The following PLEKHH2 variants were observed in gnomAD, a reference collection of about 807,000 sequenced individuals.
PLEKHH2 encodes the protein pleckstrin homology, MyTH4 and FERM domain containing H2, also known as pleckstrin homology domain-containing family H member 2.
Under a neutral mutation model 187.9 loss-of-function variants are expected in PLEKHH2, and 129 were observed. The ratio of observed to expected loss-of-function variants is 0.69; its 90% CI spans 0.59 to 0.79. The LOEUF (loss-of-function observed/expected upper bound fraction) is 0.79. PLEKHH2 is among the 30% of genes least tolerant of loss of function. PLEKHH2 has a pLI of 0.00. For missense variants in PLEKHH2, 2,076 were observed against 1,751.2 expected (o/e 1.19, Z -3.31); for synonymous variants, 686 against 605.6 (o/e 1.13, Z -1.95).
intron 16 of PLEKHH2, among the ~76,000 whole-genome samples, chr2:43,721,688 C>A (rs1227417704): frequency 1.3e-5 from 2 of 152,084 alleles, no homozygotes; most frequent in Non-Finnish European, 2.9e-5. Flanking sequence ...GAGTTTGAGA[C>A]CAGCCTGGAC....
At chr2:43,642,225 T>C (rs917283677) in intron 1 of PLEKHH2, among the ~76,000 whole-genome samples, 6 of 152,196 alleles carry the variant, frequency 3.9e-5, no homozygotes, top group African/African-American at 1.4e-4. Context: ...ATTTTATTAG[T>C]TTTGATGCTA....
intron 2 of PLEKHH2, among the ~76,000 whole-genome samples, chr2:43,655,571 T>C (rs1284137621): frequency 6.6e-6 from 1 of 152,156 alleles, no homozygotes; most frequent in Non-Finnish European, 1.5e-5. Context: ...GTAAATCCAT[T>C]AGAAACCATA....
In PLEKHH2 at chr2:43,694,491, T is replaced by C. The variant is rs757540837; in HGVS notation, c.397T>C (p.Trp133Arg). The C allele has an allele frequency of 3.2e-6, 5 of 1,561,570 alleles. No homozygotes were observed. Among genetic ancestry groups the C allele is most frequent in the Middle Eastern group, 1.7e-4 (1 of 5,856 alleles). Residue 133 changes from tryptophan (W) to arginine (R), a missense_variant, in exon 5 of 30, where the codon TGG becomes CGG. Physicochemically the swap from Trp to Arg is moderately radical, Grantham distance 101 (BLOSUM62 -3). Transcript: ENST00000282406. ...AGAGAAAGCAGCTAAGATAAAAGAA[T>C]GGGTAACAGTTAAGTTAAATGAGGT... Reference protein sequence around the residue: ...IEEKAAKIKEWVTVKLNELEL... With the variant: ...IEEKAAKIKERVTVKLNELEL...
intron 15 of PLEKHH2, 34 bp downstream of exon 15, chr2:43,712,417 C>T (rs1020587796): frequency 2.5e-6 from 4 of 1,594,660 alleles, no homozygotes; most frequent in Non-Finnish European, 2.6e-6. Context: ...ATGTCCCAGG[C>T]AGCTATGGGC....
intron 11 of PLEKHH2, 144 bp from the exon 12 acceptor site, chr2:43,709,846 T>C (rs144562167): frequency 5.2e-5 from 46 of 887,012 alleles, no homozygotes; most frequent in Middle Eastern, 7.6e-4. Context: ...AAAAAAGTTA[T>C]TTATGGCCAA....
In PLEKHH2 at chr2:43,765,619, T is replaced by G; in HGVS notation, c.*21T>G. The stretch of plus-strand genomic sequence containing the variant: ...TCTGAAAGCTGGGGAGCCTGAACAT[T>G]CACTCCTTGTCCTCCATGCTGTGGC... On this transcript the variant is annotated 3_prime_UTR_variant, in exon 30 of 30. Coordinates refer to ENST00000282406, the MANE Select transcript of PLEKHH2 (RefSeq NM_172069.4). The G allele has an allele frequency of 6.2e-7, 1 of 1,608,106 alleles. No homozygotes were observed. The highest frequency in any genetic ancestry group is 1.1e-5 in the South Asian group (1 of 90,132).
intron 15 of PLEKHH2, 80 bp from the exon 16 acceptor site, chr2:43,720,589 C>T: frequency 6.4e-7 from 1 of 1,565,638 alleles, no homozygotes; most frequent in Non-Finnish European, 8.6e-7. Flanking sequence ...CCTATAGAAA[C>T]TCAAATAGGG....
chr2:43,762,383 A>G lies in PLEKHH2; in HGVS notation c.4151A>G (p.Asn1384Ser). The G allele has an allele frequency of 1.2e-6, 2 of 1,605,468 alleles. No individual in the cohort carries two copies. The highest frequency in any genetic ancestry group is 2.2e-5 in the East Asian group (1 of 44,754). The change falls in exon 28 of 30, where the codon AAC (asparagine) becomes AGC (serine). Residue 1384 changes from asparagine (N) to serine (S), a missense_variant. Asn to Ser is a conservative substitution (Grantham distance 46). Transcript: ENST00000282406. ...HEDGLSLLEY[N>S]SMRLIVSYVY... The stretch of plus-strand genomic sequence containing the variant: ...GATGGTTTAAGCCTCTTAGAATACA[A>G]CTCCATGGTAAGTTTAAACGCTCAA...
intron 6 of PLEKHH2, among the ~76,000 whole-genome samples, 193 bp from the exon 7 acceptor site, chr2:43,696,978 A>T (rs1669123994): frequency 6.6e-6 from 1 of 152,194 alleles, no homozygotes; most frequent in Admixed American, 6.5e-5. Context: ...AAAATATGTA[A>T]AACAGAATTT....
At chr2:43,757,395 A>G (rs1672253547) in intron 26 of PLEKHH2, 131 bp downstream of exon 26, 2 of 664,418 alleles carry the variant, frequency 3.0e-6, no homozygotes, top group East Asian at 3.3e-5. Context: ...TGATTGAGCC[A>G]CAGGAGATTA....
At chr2:43,751,777 G>C (rs1309483201) in intron 24 of PLEKHH2, among the ~76,000 whole-genome samples, 3 of 152,286 alleles carry the variant, frequency 2.0e-5, no homozygotes, top group South Asian at 2.1e-4. Context: ...TCCTATTCAA[G>C]CTCCATGGAT....
chr2:43,746,383 T>C (rs930399158), intron 24 of PLEKHH2, among the ~76,000 whole-genome samples: 3 of 151,734 alleles, frequency 2.0e-5, no homozygotes, highest in Admixed American at 6.6e-5. Flanking sequence ...TGGTGGCATG[T>C]GCCTGTAATC....
At chr2:43,744,067 C>A in intron 23 of PLEKHH2, 78 bp downstream of exon 23, 3 of 1,514,094 alleles carry the variant, frequency 2.0e-6, no homozygotes, top group Non-Finnish European at 2.7e-6. Flanking sequence ...GTAAACTTTG[C>A]AAGAAGTTTA....
intron 17 of PLEKHH2, among the ~76,000 whole-genome samples, chr2:43,727,839 C>T (rs1384631383): frequency 6.6e-6 from 1 of 152,128 alleles, no homozygotes; most frequent in Non-Finnish European, 1.5e-5. Flanking sequence ...GCCTCTGCTA[C>T]CTCTCATATG....
chr2:43,698,296 G>A (rs190170371), intron 7 of PLEKHH2, among the ~76,000 whole-genome samples: 2 of 147,424 alleles, frequency 1.4e-5, no homozygotes, highest in Non-Finnish European at 3.0e-5. Context: ...CTCCCAGGCC[G>A]GAGTGCAGTG....
chr2:43,666,265 A>C (rs1667200561), intron 2 of PLEKHH2, among the ~76,000 whole-genome samples: 1 of 150,466 alleles, frequency 6.6e-6, no homozygotes, highest in East Asian at 1.9e-4. Flanking sequence ...CCTTTCTTTG[A>C]CTCGGAAAGG....
Position 43,692,586 on chromosome 2 carries a change from A to G in PLEKHH2, c.259A>G (p.Lys87Glu). Residue 87 changes from lysine to glutamate, a missense_variant, in exon 4 of 30, where the codon AAG becomes GAG. Transcript: ENST00000282406. ...TGAATCAGAGACAAGATTATATAAT[A>G]AGTGTCAAGATCTGGAGTCGCTAAT... ...TSESETRLYN[K>E]CQDLESLIQE... 1.2e-6 allele frequency: 2 copies of G among 1,607,542 alleles called. No homozygotes were observed. Among genetic ancestry groups the G allele is most frequent in the Non-Finnish European group, 1.7e-6 (2 of 1,174,602 alleles).
chr2:43,715,916 G>T (rs555471471), intron 15 of PLEKHH2, among the ~76,000 whole-genome samples: 2 of 152,150 alleles, frequency 1.3e-5, no homozygotes, highest in African/African-American at 4.8e-5. Flanking sequence ...TGTAGGGCAG[G>T]GGAGAGCAGG....
At chr2:43,741,192 G>A (rs58382159) in intron 21 of PLEKHH2, 149 bp downstream of exon 21, 36,431 of 578,620 alleles carry the variant, frequency 0.063, 1,442 homozygotes, top group Middle Eastern at 0.15. Flanking sequence ...TCATTGATGT[G>A]GAGCTAGGAA....
Sources: allele counts gnomAD v4.1 joint callset (sites outside exome capture counted in the v4.1 genomes callset), GRCh38; gene constraint gnomAD v4.1.1; transcripts MANE v1.5; gene names NCBI Gene and HGNC (gene_info 2026-07-23, HGNC 2026-07-21).